HMGXB3: variants seen among roughly 807,000 people sequenced by gnomAD.
HMGXB3 encodes HMG domain-containing protein 3.
HMGXB3 carries 45 observed loss-of-function variants against 121.5 expected under a neutral mutation model. The ratio of observed to expected loss-of-function variants is 0.37; its 90% CI spans 0.29 to 0.47. The LOEUF is 0.47. HMGXB3 is among the 20% of genes least tolerant of loss of function. The pLI is 0.99. For missense variants in HMGXB3, 1,376 were observed against 1,602.2 expected (o/e 0.86, Z 2.41); for synonymous variants, 590 against 624.1 (o/e 0.95, Z 0.81).
At position 150,052,292 on chromosome 5, in the gene HMGXB3, G is replaced by A. The variant is rs898894580; in HGVS notation, c.*100G>A. The stretch of plus-strand genomic sequence containing the variant: ...GGGACCTGCAGAAGTGGTCTCCTGT[G>A]GGGAGGGCCTCTGACTGCTGGGACT... On this transcript the variant is annotated 3_prime_UTR_variant, in exon 20 of 20. Coordinates refer to ENST00000502717, the MANE Select transcript of HMGXB3 (RefSeq NM_014983.3). 7 of 946,264 alleles carry A rather than the reference G, an allele frequency of 7.4e-6. No homozygotes were observed. The highest frequency in any genetic ancestry group is 6.7e-5 in the South Asian group (4 of 59,886). 58.6% of individuals were successfully genotyped at this position (946,264 alleles called of 1,614,324 possible).
chr5:150,018,243 G>C (rs1244029355), intron 5 of HMGXB3, among the ~76,000 whole-genome samples: 1 of 152,224 alleles, frequency 6.6e-6, no homozygotes. Flanking sequence ...TACGATTGCT[G>C]AGAGTATTAA....
intron 11 of HMGXB3, among the ~76,000 whole-genome samples, chr5:150,034,936 T>G (rs1756468581): frequency 6.6e-6 from 1 of 152,224 alleles, no homozygotes; most frequent in African/African-American, 2.4e-5. Context: ...GTTAGTCAGC[T>G]CTTCTGTAGC....
At position 150,027,194 on chromosome 5, in the gene HMGXB3, A is replaced by G. The variant is rs374857301; in HGVS notation, c.1734+77A>G. On this transcript the variant is annotated intron_variant, in intron 9 of 19. Coordinates refer to ENST00000502717, the MANE Select transcript of HMGXB3 (RefSeq NM_014983.3). ...TGTAATGTATCAAAGCTATAGGTAA[A>G]GGCACATCCCATTTCTTACACGTTG... 199 of 1,109,580 alleles carry G rather than the reference A, an allele frequency of 1.8e-4. No homozygotes were observed. The African/African-American group carries it at 2.6e-3, about 14-fold the overall frequency. 68.7% of individuals were successfully genotyped at this position (1,109,580 alleles called of 1,614,324 possible).
chr5:150,004,899 A>G lies in HMGXB3; in HGVS notation c.47A>G (p.Glu16Gly). 6.4e-7 allele frequency: 1 copy of G among 1,551,772 alleles called. No individual in the cohort carries two copies. Among genetic ancestry groups the G allele is most frequent in the Non-Finnish European group, 8.7e-7 (1 of 1,146,962 alleles). Residue 16 changes from glutamate to glycine, a missense_variant, in exon 2 of 20, where the codon GAA becomes GGA. Coordinates refer to ENST00000502717, the MANE Select transcript of HMGXB3 (RefSeq NM_014983.3). ...DGTEVTVVME[E>G]IEEAYCYTSP... Reference sequence around the variant, plus strand: ...ACTGAGGTAACTGTCGTGATGGAGGAAATTGAGGAAGCCTATTGTTACACC... The same window carrying G: ...ACTGAGGTAACTGTCGTGATGGAGGGAATTGAGGAAGCCTATTGTTACACC...
At chr5:150,028,495 ATATG>A (rs537453390) in intron 9 of HMGXB3, among the ~76,000 whole-genome samples, 3,723 of 87,882 alleles carry the variant, frequency 0.042, 204 homozygotes, top group African/African-American at 0.19. Flanking sequence ...ATATGTATAT[ATATG>A]TATGTATGTG....
intron 5 of HMGXB3, chr5:150,014,767 CCT>C (rs1755923174): frequency 1.2e-5 from 4 of 331,066 alleles, no homozygotes; most frequent in Non-Finnish European, 2.2e-5. Context: ...GTGTATGGGC[CCT>C]CTCTAGGAGT....
rs377179288 is a variant in HMGXB3 at position 150,010,323 on chromosome 5, T to G, written c.525T>G (p.His175Gln). The G allele has an allele frequency of 9.0e-6, 14 of 1,551,604 alleles. No homozygotes were observed. The Middle Eastern group carries it at 5.0e-4, about 55-fold the overall frequency. The part of the protein sequence containing the change: ...SNTAPETVPS[H>Q]AGMAEQCLAV... ...CTGCCCCGGAGACAGTGCCCAGCCA[T>G]GCAGGCATGGCAGAGCAGTGCCTGG... Residue 175 changes from histidine (H) to glutamine (Q), a missense_variant, in exon 4 of 20, where the codon CAT (histidine) becomes CAG (glutamine). Coordinates refer to ENST00000502717, the MANE Select transcript of HMGXB3 (RefSeq NM_014983.3).
intron 15 of HMGXB3, among the ~76,000 whole-genome samples, chr5:150,044,159 A>G (rs1337557083): frequency 6.6e-6 from 1 of 151,958 alleles, no homozygotes; most frequent in African/African-American, 2.4e-5. Context: ...GTGTGTGGAG[A>G]GTAGTGTGGT....
intron 5 of HMGXB3, among the ~76,000 whole-genome samples, chr5:150,018,218 A>G (rs1359504315): frequency 6.6e-6 from 1 of 152,232 alleles, no homozygotes; most frequent in Non-Finnish European, 1.5e-5. Flanking sequence ...CTCAGTAGTA[A>G]TAATACGTAC....
At chr5:150,032,735 G>A in intron 11 of HMGXB3, 132 bp downstream of exon 11, 1 of 1,086,888 alleles carries the variant, frequency 9.2e-7, no homozygotes, top group Admixed American at 2.6e-5. Flanking sequence ...CAGTTGGTGG[G>A]TTCTGAACCT....
At chr5:150,017,409 A>T (rs1235782629) in intron 5 of HMGXB3, among the ~76,000 whole-genome samples, 2 of 152,190 alleles carry the variant, frequency 1.3e-5, no homozygotes, top group East Asian at 3.8e-4. Flanking sequence ...CTCATTTCTT[A>T]TCTCACTTTC....
rs1325161301 is a variant in HMGXB3, at chr5:150,006,500, C to A, written c.165C>A (p.Asp55Glu). The A allele has an allele frequency of 1.3e-6, 2 of 1,551,784 alleles. No individual in the cohort carries two copies. Among genetic ancestry groups the A allele is most frequent in the Non-Finnish European group, 1.7e-6 (2 of 1,147,010 alleles). ...PRSAYLLYYY[D>E]IYLKVQQELP... ...CTGCTTACCTTCTGTACTATTACGA[C>A]ATCTACCTGAAAGTGCAGCAGGAGC... The change falls in exon 3 of 20, where the codon GAC becomes GAA. Residue 55 changes from aspartate (D) to glutamate (E), a missense_variant. Around this residue, in one of 2 missense-constraint regions of HMGXB3, gnomAD observed 1,116 missense variants for 1,369.0 expected, o/e 0.82. Transcript: ENST00000502717.
Position 150,024,403 on chromosome 5 carries a change from G to T in HMGXB3, c.1183G>T (p.Glu395Ter). 6.4e-7 allele frequency: 1 copy of T among 1,551,742 alleles called. No homozygotes were observed. Among genetic ancestry groups the T allele is most frequent in the Non-Finnish European group, 8.7e-7 (1 of 1,147,008 alleles). The change falls in exon 7 of 20, where the codon GAA (glutamate) becomes TAA (stop). Residue 395 changes from glutamate (E) to a stop codon, truncating the protein, a stop_gained. Coordinates refer to ENST00000502717, the MANE Select transcript of HMGXB3 (RefSeq NM_014983.3). LOFTEE classifies it high-confidence loss of function. The stretch of plus-strand genomic sequence containing the variant: ...CTCCAAACTGACTCTGGAGAATTCG[G>T]AAGCTGTAAGCCAGCTCCTGAACGT... ...NASKLTLENS[E>*]AVSQLLNVAP...
intron 6 of HMGXB3, among the ~76,000 whole-genome samples, chr5:150,024,001 A>C (rs1756161844): frequency 6.6e-6 from 1 of 152,248 alleles, no homozygotes; most frequent in Non-Finnish European, 1.5e-5. Flanking sequence ...TGAAACCTGG[A>C]GAAGCTTTTC....
chr5:150,013,443 G>T (rs1962603), intron 5 of HMGXB3, among the ~76,000 whole-genome samples: 128,048 of 152,206 alleles, frequency 0.84, 54,324 homozygotes, highest in African/African-American at 0.96. Context: ...CAGTGATGTA[G>T]TATCCCTCTC....
intron 4 of HMGXB3, among the ~76,000 whole-genome samples, chr5:150,011,029 G>T (rs1755819100): frequency 6.6e-6 from 1 of 152,200 alleles, no homozygotes; most frequent in Non-Finnish European, 1.5e-5. Flanking sequence ...CTGGGCTTAA[G>T]CAGTCCTCCT....
At position 150,036,830 on chromosome 5, in the gene HMGXB3, G is replaced by C. The variant is rs978508317; in HGVS notation, c.2178G>C (p.Val726=). Residue 726 remains valine (V), a synonymous_variant, in exon 12 of 20, where the codon GTG becomes GTC. Coordinates refer to ENST00000502717, the MANE Select transcript of HMGXB3 (RefSeq NM_014983.3). Reference sequence around the variant, plus strand: ...GCTCTCGACTTATCTTGTCCAACGTGAGTGAGGAGACAGTCACCATCGAGC... The same window carrying C: ...GCTCTCGACTTATCTTGTCCAACGTCAGTGAGGAGACAGTCACCATCGAGC... The part of the protein sequence containing the change: ...LNSSRLILSN[V]SEETVTIEQT... 6.4e-7 allele frequency: 1 copy of C among 1,551,698 alleles called. No individual in the cohort carries two copies. The highest frequency in any genetic ancestry group is 8.7e-7 in the Non-Finnish European group (1 of 1,146,998).
chr5:150,022,033 T>C (rs10072275), intron 6 of HMGXB3: 227,910 of 286,544 alleles, frequency 0.8, 91,808 homozygotes, highest in African/African-American at 0.9. Flanking sequence ...CACCTATGAC[T>C]GTGTCTTCCT....
intron 3 of HMGXB3, among the ~76,000 whole-genome samples, chr5:150,007,778 G>C (rs947106314): frequency 2.0e-5 from 3 of 152,108 alleles, no homozygotes; most frequent in Non-Finnish European, 2.9e-5. Context: ...GTCTAGGCTG[G>C]GTGTGGTAGC....
Sources: gnomAD v4.1 joint callset for allele counts (sites outside exome capture counted in the v4.1 genomes callset) on GRCh38, gnomAD v4.1.1 for gene constraint, gnomAD v4.1.1 regional missense constraint, MANE v1.5 for transcripts, NCBI Gene and HGNC (gene_info 2026-07-23, HGNC 2026-07-21) for gene names.